DOCK4: variants seen among roughly 807,000 people sequenced by gnomAD.
DOCK4 encodes the protein dedicator of cytokinesis protein 4.
Under a neutral mutation model 268.1 loss-of-function variants are expected in DOCK4, and 97 were observed. The observed-to-expected ratio is 0.36, with a 90% confidence interval of 0.31 to 0.43. The LOEUF (loss-of-function observed/expected upper bound fraction) is 0.43. DOCK4 is among the 20% of genes least tolerant of loss of function. The pLI is 1.00. For missense variants in DOCK4, 2,145 were observed against 2,455.7 expected, an observed-to-expected ratio of 0.87 and a Z score of 2.67; for synonymous variants, 954 against 887.2, an observed-to-expected ratio of 1.08 and a Z score of -1.34.
chr7:112,165,334 A>G (rs898415061), intron 1 of DOCK4, among the ~76,000 whole-genome samples: 1 of 141,418 alleles, frequency 7.1e-6, no homozygotes, highest in Admixed American at 6.8e-5. Context: ...ATCTTTCCCA[A>G]TCTCTCCTAT....
chr7:111,774,614 A>G (rs1053289363), intron 36 of DOCK4, among the ~76,000 whole-genome samples: 1 of 152,206 alleles, frequency 6.6e-6, no homozygotes, highest in African/African-American at 2.4e-5. Flanking sequence ...GGATGGCTGC[A>G]TGGAAAAGAG....
Position 111,765,131 on chromosome 7 carries a change from G to T in DOCK4, c.4007C>A (p.Pro1336Gln). Residue 1336 changes from proline (P) to glutamine (Q), a missense_variant, in exon 39 of 53, where the codon CCA becomes CAA. By Grantham distance (76) the Pro-to-Gln change is moderately conservative. Around this residue, in one of 2 missense-constraint regions of DOCK4, gnomAD observed 1,598 missense variants for 1,986.7 expected, o/e 0.80. Transcript: ENST00000428084. ...TATATTACTTACTCTTAAGAAAAAT[G>T]GAAATTTTTTTCCATAAAATCCAAC... The part of the protein sequence containing the change: ...FRVGFYGKKF[P>Q]FFLRNKEFVC... 1 of 1,522,780 alleles carries T rather than the reference G, an allele frequency of 6.6e-7. No individual in the cohort carries two copies. The highest frequency in any genetic ancestry group is 8.8e-7 in the Non-Finnish European group (1 of 1,136,262). 94.3% of individuals were successfully genotyped at this position (1,522,780 alleles called of 1,614,324 possible).
intron 23 of DOCK4, among the ~76,000 whole-genome samples, chr7:111,857,514 A>G (rs1018171176): frequency 3.3e-5 from 5 of 152,296 alleles, no homozygotes; most frequent in Admixed American, 2.0e-4. Context: ...ATTTACTTCT[A>G]TTATCTGTGC....
At position 111,872,295 on chromosome 7, in the gene DOCK4, A is replaced by G; in HGVS notation, c.1900T>C (p.Tyr634His). ...AAAGAATCAAACACTTTAGACCCATATTTTTGGGAATTTTCATCTAAAATT... is the reference window on the plus strand; with the variant it reads ...AAAGAATCAAACACTTTAGACCCATGTTTTTGGGAATTTTCATCTAAAATT... ...FGILDENSQK[Y>H]GSKVFDSLVH... The change falls in exon 19 of 53, where the codon TAT becomes CAT. Residue 634 changes from tyrosine to histidine, a missense_variant. Tyr to His is a moderately conservative substitution (Grantham distance 83). Transcript: ENST00000428084. 1 of 1,558,830 alleles carries G rather than the reference A, an allele frequency of 6.4e-7. No individual in the cohort carries two copies. The highest frequency in any genetic ancestry group is 8.7e-7 in the Non-Finnish European group (1 of 1,151,146).
chr7:111,782,797 A>G (rs1472170326), intron 35 of DOCK4, 67 bp downstream of exon 35: 43 of 1,470,550 alleles, frequency 2.9e-5, no homozygotes, highest in Non-Finnish European at 3.6e-5. Context: ...CAAACAAAAC[A>G]TAGTATTTCT....
intron 5 of DOCK4, among the ~76,000 whole-genome samples, chr7:111,990,135 T>C (rs937573598): frequency 6.6e-6 from 1 of 152,212 alleles, no homozygotes; most frequent in African/African-American, 2.4e-5. Context: ...TAATGAGTTA[T>C]TAAAACTCTG....
At chr7:112,026,537 T>C (rs1243890828) in intron 1 of DOCK4, among the ~76,000 whole-genome samples, 3 of 152,244 alleles carry the variant, frequency 2.0e-5, no homozygotes, top group African/African-American at 7.2e-5. Flanking sequence ...CCACCTATTT[T>C]TGTAAGGCCT....
intron 23 of DOCK4, among the ~76,000 whole-genome samples, chr7:111,854,459 G>GT (rs760365491): frequency 3.3e-5 from 5 of 152,208 alleles, no homozygotes; most frequent in Non-Finnish European, 4.4e-5. Context: ...GGGGAGCTCA[G>GT]TTTTTGAGAC....
In DOCK4 at chr7:111,873,492, C is replaced by G. The variant is rs993206513; in HGVS notation, c.1745-928G>C. Among the ~76,000 whole-genome samples, 6 of 152,276 alleles carry G rather than the reference C, an allele frequency of 3.9e-5. 1 individual carries two copies. The South Asian group carries it at 1.0e-3, about 26-fold the overall frequency. ...CTCAGGGCTCAGTGGAGTTGCCAGACTAGACTGGCCGAGAGAGGAGCCAGG... is the reference window on the plus strand; with the variant it reads ...CTCAGGGCTCAGTGGAGTTGCCAGAGTAGACTGGCCGAGAGAGGAGCCAGG... On this transcript the variant is annotated intron_variant, in intron 17 of 52. Coordinates refer to ENST00000428084, the MANE Select transcript of DOCK4 (RefSeq NM_001363540.2).
rs549726798 is a variant in DOCK4 at position 112,125,255 on chromosome 7, G to A, written c.37+80847C>T. Reference sequence around the variant, plus strand: ...CAATGCTCCCCCCCTGCCCCATCAGGATGATCCCAAACCCTCTCTATCATG... The same window carrying A: ...CAATGCTCCCCCCCTGCCCCATCAGAATGATCCCAAACCCTCTCTATCATG... On this transcript the variant is annotated intron_variant, in intron 1 of 52. Transcript: ENST00000428084. Among the ~76,000 whole-genome samples the A allele has an allele frequency of 5.3e-4, 81 of 152,278 alleles. 1 individual carries two copies. In the Middle Eastern group the frequency reaches 0.02, roughly 38 times the overall value.
intron 1 of DOCK4, among the ~76,000 whole-genome samples, chr7:112,011,757 C>CAA (rs869096541): frequency 7.4e-6 from 1 of 135,100 alleles, no homozygotes; most frequent in Admixed American, 7.8e-5. Context: ...AAAAAAAAAA[C>CAA]AAAAAAAAAA....
Position 111,769,538 on chromosome 7 carries a change from G to T in DOCK4, c.3819C>A (p.Asp1273Glu). The stretch of plus-strand genomic sequence containing the variant: ...GGGCAGGGCCACTTACTTTGCCTCT[G>T]TCAAAGTTCTGGATGATGGTGAGGT... The part of the protein sequence containing the change: ...HLHLTIIQNF[D>E]RGKCWENGII... Residue 1273 changes from aspartate to glutamate, a missense_variant, in exon 37 of 53, where the codon GAC becomes GAA. Asp to Glu is a conservative substitution (Grantham distance 45). Around this residue, in one of 2 missense-constraint regions of DOCK4, gnomAD observed 1,598 missense variants for 1,986.7 expected, o/e 0.80. Transcript: ENST00000428084. 6.2e-7 allele frequency: 1 copy of T among 1,613,700 alleles called. No individual in the cohort carries two copies. The highest frequency in any genetic ancestry group is 8.5e-7 in the Non-Finnish European group (1 of 1,179,744).
intron 1 of DOCK4, among the ~76,000 whole-genome samples, chr7:112,039,195 C>T (rs1036531878): frequency 4.6e-5 from 7 of 152,156 alleles, no homozygotes; most frequent in Admixed American, 2.0e-4. Flanking sequence ...GCATTCCACT[C>T]TTAAGTATAA....
chr7:111,931,837 T>G lies in DOCK4; in HGVS notation c.1066+3703A>C, dbSNP rs1333247673. Among the ~76,000 whole-genome samples, 3 of 152,198 alleles carry G rather than the reference T, an allele frequency of 2.0e-5. No homozygotes were observed. The South Asian group carries it at 6.2e-4, about 31-fold the overall frequency. On this transcript the variant is annotated intron_variant, in intron 12 of 52. Transcript: ENST00000428084. ...ACCATGTATGATGTCCTGTGGTAAGTGCTTTGCATACATTTTTTCTTTTAA... is the reference window on the plus strand; with the variant it reads ...ACCATGTATGATGTCCTGTGGTAAGGGCTTTGCATACATTTTTTCTTTTAA...
chr7:111,736,780 T>G (rs910107340), intron 50 of DOCK4, 137 bp downstream of exon 50: 10 of 765,362 alleles, frequency 1.3e-5, no homozygotes, highest in Non-Finnish European at 2.0e-5. Context: ...CTTTCATTAA[T>G]CCCTTAAAGA....
rs776074947 is a variant in DOCK4 at position 111,935,544 on chromosome 7, A to G, written c.1062T>C (p.Asn354=). The change falls in exon 12 of 53, where the codon AAT becomes AAC. Residue 354 remains asparagine (N), a synonymous_variant. Coordinates refer to ENST00000428084, the MANE Select transcript of DOCK4 (RefSeq NM_001363540.2). The part of the protein sequence containing the change: ...LNARYNLTGS[N]AGLAVSLQLL... The stretch of plus-strand genomic sequence containing the variant: ...TCAGCCAGCCCATACACTCACCTGC[A>G]TTGGAGCCAGTCAAGTTATAACGTG... 12 of 1,612,660 alleles carry G rather than the reference A, an allele frequency of 7.4e-6. No homozygotes were observed. The African/African-American group carries it at 1.5e-4, about 20-fold the overall frequency.
chr7:112,049,282 T>C (rs569451355), intron 1 of DOCK4, among the ~76,000 whole-genome samples: 3 of 152,338 alleles, frequency 2.0e-5, no homozygotes, highest in African/African-American at 7.2e-5. Context: ...TATATTATTG[T>C]AATCTTGTTA....
chr7:112,078,541 G>A (rs1370145121), intron 1 of DOCK4, among the ~76,000 whole-genome samples: 1 of 152,178 alleles, frequency 6.6e-6, no homozygotes, highest in Non-Finnish European at 1.5e-5. Context: ...CAGGATCACT[G>A]TGGAATATCA....
At chr7:112,183,562 T>C (rs1819235479) in intron 1 of DOCK4, among the ~76,000 whole-genome samples, 1 of 152,178 alleles carries the variant, frequency 6.6e-6, no homozygotes, top group Non-Finnish European at 1.5e-5. Flanking sequence ...AAGGATGGCA[T>C]GGGCATGTGG....
Sources: gnomAD v4.1 joint callset for allele counts (sites outside exome capture counted in the v4.1 genomes callset) on GRCh38, gnomAD v4.1.1 for gene constraint, gnomAD v4.1.1 regional missense constraint, MANE v1.5 for transcripts, NCBI Gene and HGNC (gene_info 2026-07-23, HGNC 2026-07-21) for gene names.